ERG28: variants seen among roughly 807,000 people sequenced by gnomAD.
ERG28 encodes ergosterol biosynthetic protein 28 homolog.
In ERG28, 9 loss-of-function variants were observed where a neutral mutation model predicts 15.7. The ratio of observed to expected loss-of-function variants is 0.57; its 90% CI spans 0.35 to 1.00. ERG28 has a LOEUF of 1.00. ERG28 is among the 50% of genes least tolerant of loss of function. The pLI is 0.02. For synonymous variants in ERG28, 61 were observed against 68.4 expected, an observed-to-expected ratio of 0.89 and a Z score of 0.53; for missense variants, 117 against 173.3, an observed-to-expected ratio of 0.68 and a Z score of 1.82.
At chr14:75,660,107 T>A (rs112336223) in intron 1 of ERG28, among the ~76,000 whole-genome samples, 30 of 152,350 alleles carry the variant, frequency 2.0e-4, no homozygotes, top group African/African-American at 6.7e-4. Context: ...AAAAGCTGCA[T>A]GGATGCACCT....
intron 3 of ERG28, among the ~76,000 whole-genome samples, chr14:75,654,680 A>G (rs1890574989): frequency 6.6e-6 from 1 of 152,208 alleles, no homozygotes; most frequent in Non-Finnish European, 1.5e-5. Context: ...TGTCAGTTCC[A>G]AAGAATTTTC....
Position 75,651,524 on chromosome 14 carries a change from C to T in ERG28, c.*31G>A, listed in dbSNP as rs769874675. On this transcript the variant is annotated 3_prime_UTR_variant, in exon 5 of 5. Transcript: ENST00000256319. ...GGAAGAAGATGGCCAAGGTGGAAAA[C>T]GAGAAAGTCCTGGAGGTGATAATGC... 2.0e-5 allele frequency: 32 copies of T among 1,572,064 alleles called. No homozygotes were observed. Among genetic ancestry groups the T allele is most frequent in the East Asian group, 9.1e-5 (4 of 43,956 alleles).
In ERG28 at chr14:75,651,500, G is replaced by A. The variant is rs1439701280; in HGVS notation, c.*55C>T. 2 of 1,506,126 alleles carry A rather than the reference G, an allele frequency of 1.3e-6. No individual in the cohort carries two copies. Among genetic ancestry groups the A allele is most frequent in the Admixed American group, 3.4e-5 (2 of 57,990 alleles). The allele number at this position is 1,506,126 out of a possible 1,614,324, so 93.3% of individuals were successfully genotyped here. On this transcript the variant is annotated 3_prime_UTR_variant, in exon 5 of 5. Transcript: ENST00000256319. Reference sequence around the variant, plus strand: ...AAATTAAAGAGGAGAGACGACGAAGGAAGAAGATGGCCAAGGTGGAAAACG... The same window carrying A: ...AAATTAAAGAGGAGAGACGACGAAGAAAGAAGATGGCCAAGGTGGAAAACG...
intron 2 of ERG28, 71 bp from the exon 3 acceptor site, chr14:75,655,047 C>T: frequency 1.4e-6 from 2 of 1,455,672 alleles, no homozygotes; most frequent in East Asian, 4.5e-5. Context: ...CCTCCTATTT[C>T]ACTGGTGGTT....
intron 2 of ERG28, among the ~76,000 whole-genome samples, chr14:75,657,019 CTTT>C (rs3214359): frequency 9.8e-5 from 13 of 133,042 alleles, no homozygotes; most frequent in Admixed American, 1.5e-4. Flanking sequence ...CCTTATAATG[CTTT>C]TTTTTTTTTT....
rs546872077 is a variant in ERG28, at chr14:75,660,364, A to G, written c.-32+411T>C. Reference sequence around the variant, plus strand: ...ATAGGTGTGCTGTTAAAACTTAATCAGGAGAAAGGGATTCTTATCCTGGCC... The same window carrying G: ...ATAGGTGTGCTGTTAAAACTTAATCGGGAGAAAGGGATTCTTATCCTGGCC... On this transcript the variant is annotated intron_variant, in intron 1 of 4. Transcript: ENST00000256319. 1.9e-3 allele frequency among the ~76,000 whole-genome samples: 284 copies of G among 152,312 alleles called. 1 individual carries two copies. The highest frequency in any genetic ancestry group is 6.5e-3 in the African/African-American group (272 of 41,572).
At chr14:75,655,849 A>C (rs957796612) in intron 2 of ERG28, among the ~76,000 whole-genome samples, 1 of 152,206 alleles carries the variant, frequency 6.6e-6, no homozygotes, top group Admixed American at 6.5e-5. Flanking sequence ...ATGCCAAAAC[A>C]GTGAAAGCAA....
Position 75,651,411 on chromosome 14 carries a change from A to T in ERG28, c.*144T>A. 1 of 769,198 alleles carries T rather than the reference A, an allele frequency of 1.3e-6. No individual in the cohort carries two copies. The highest frequency in any genetic ancestry group is 2.1e-6 in the Non-Finnish European group (1 of 481,644). The allele number at this position is 769,198 out of a possible 1,614,324, so 47.6% of individuals were successfully genotyped here. A position where few individuals can be genotyped will look rare whatever the true frequency, so the allele number is the denominator to read the frequency against. On this transcript the variant is annotated 3_prime_UTR_variant, in exon 5 of 5. Transcript: ENST00000256319. ...TATACTTTTCAGTATGCATATCTTT[A>T]AATTTTAAAAATTAAAAAAAGAGGC...
chr14:75,651,821 T>G lies in ERG28; in HGVS notation c.293A>C (p.Tyr98Ser), dbSNP rs763711697. 1 of 1,614,126 alleles carries G rather than the reference T, an allele frequency of 6.2e-7. No homozygotes were observed. Among genetic ancestry groups the G allele is most frequent in the Non-Finnish European group, 8.5e-7 (1 of 1,180,012 alleles). Residue 98 changes from tyrosine (Y) to serine (S), a missense_variant, in exon 4 of 5, where the codon TAT becomes TCT. Coordinates refer to ENST00000256319, the MANE Select transcript of ERG28 (RefSeq NM_007176.4). ...GCCAATCGTGGGAGCTGCAGTTCCA[T>G]AGACAAACAACTCAGAGAGGAAATG... ...LGHFLSELFV[Y>S]GTAAPTIGVL... is the part of the protein sequence containing the mutation.
At chr14:75,654,776 TA>T in intron 3 of ERG28, 109 bp downstream of exon 3, 1 of 1,172,418 alleles carries the variant, frequency 8.5e-7, no homozygotes, top group Non-Finnish European at 1.3e-6. Flanking sequence ...ATTCACATTC[TA>T]AGCTAATGCA....
chr14:75,656,102 T>A (rs1890592286), intron 2 of ERG28, among the ~76,000 whole-genome samples: 1 of 152,000 alleles, frequency 6.6e-6, no homozygotes, highest in African/African-American at 2.4e-5. Flanking sequence ...ATAAACCAAT[T>A]TGATAATGAG....
chr14:75,652,817 CTTTTTTT>C (rs59570063), intron 3 of ERG28, among the ~76,000 whole-genome samples: 10 of 96,232 alleles, frequency 1.0e-4, no homozygotes, highest in African/African-American at 5.0e-4. Flanking sequence ...ATTTTTACAC[CTTTTTTT>C]TTTTTTTTTT....
intron 4 of ERG28, 67 bp from the exon 5 acceptor site, chr14:75,651,701 G>C: frequency 1.3e-6 from 2 of 1,591,042 alleles, no homozygotes; most frequent in Non-Finnish European, 1.7e-6. Context: ...TCTCTCCTGT[G>C]TCCACCCTCT....
At chr14:75,655,011 G>C (rs181088204) in intron 2 of ERG28, 35 bp from the exon 3 acceptor site, 107 of 1,582,740 alleles carry the variant, frequency 6.8e-5, no homozygotes, top group Non-Finnish European at 6.6e-5. Flanking sequence ...TGTTCAGAAG[G>C]GGAGACTTGA....
At chr14:75,660,703 G>C (rs1002289333) in intron 1 of ERG28, 72 bp downstream of exon 1, 6 of 152,056 alleles carry the variant, frequency 3.9e-5, no homozygotes, top group African/African-American at 1.5e-4. Flanking sequence ...CATTTTTCCA[G>C]ACTCTCCGGA....
intron 3 of ERG28, among the ~76,000 whole-genome samples, chr14:75,654,407 A>G (rs1167464456): frequency 1.3e-5 from 2 of 152,202 alleles, no homozygotes; most frequent in Non-Finnish European, 2.9e-5. Flanking sequence ...AGGTAGATTC[A>G]GGAGCCCTAG....
intron 3 of ERG28, among the ~76,000 whole-genome samples, chr14:75,654,065 A>C (rs1890565653): frequency 6.6e-6 from 1 of 152,268 alleles, no homozygotes. Context: ...GTGCAAAATC[A>C]GGAATGAAAA....
Position 75,651,248 on chromosome 14 carries a change from G to A in ERG28, c.*307C>T, listed in dbSNP as rs1890520591. The A allele has an allele frequency of 4.2e-6, 1 of 237,010 alleles. No homozygotes were observed. Among genetic ancestry groups the A allele is most frequent in the South Asian group, 9.3e-5 (1 of 10,782 alleles). 14.7% of individuals were successfully genotyped at this position (237,010 alleles called of 1,614,324 possible). On this transcript the variant is annotated 3_prime_UTR_variant, in exon 5 of 5. Coordinates refer to ENST00000256319, the MANE Select transcript of ERG28 (RefSeq NM_007176.4). ...AATAAAAGGGAAAAAGGGGAAGGCTGGAAAAGGGAGCCTGGAAGAGGTTGC... is the reference window on the plus strand; with the variant it reads ...AATAAAAGGGAAAAAGGGGAAGGCTAGAAAAGGGAGCCTGGAAGAGGTTGC...
intron 2 of ERG28, among the ~76,000 whole-genome samples, chr14:75,656,150 C>G (rs886484093): frequency 6.6e-6 from 1 of 152,016 alleles, no homozygotes; most frequent in Admixed American, 6.6e-5. Context: ...AGTACTCAAC[C>G]AGCCCTAACC....
Sources: allele counts gnomAD v4.1 joint callset (sites outside exome capture counted in the v4.1 genomes callset), GRCh38; gene constraint gnomAD v4.1.1; transcripts MANE v1.5; gene names NCBI Gene and HGNC (gene_info 2026-07-23, HGNC 2026-07-21).